The following FGD5 variants were observed in gnomAD, a reference collection of about 807,000 sequenced individuals.
FGD5 encodes the protein FYVE, RhoGEF and PH domain-containing protein 5.
In FGD5, 28 loss-of-function variants were observed where a neutral mutation model predicts 133.4. The ratio of observed to expected loss-of-function variants is 0.21; its 90% CI spans 0.16 to 0.29. The LOEUF (loss-of-function observed/expected upper bound fraction) is 0.29, where lower values mean the gene tolerates loss of function less well. Ranked by LOEUF, FGD5 falls within the 10% of genes least tolerant of loss-of-function variation. The probability of loss-of-function intolerance (pLI) is 1.00; values close to 1 mark genes in which losing one functional copy is unlikely to be tolerated. For synonymous variants in FGD5, 810 were observed against 776.5 expected (o/e 1.04, Z -0.72); for missense variants, 1,858 against 1,895.2 (o/e 0.98, Z 0.36).
intron 4 of FGD5, among the ~76,000 whole-genome samples, chr3:14,895,304 C>T (rs370112916): frequency 7.9e-5 from 12 of 152,282 alleles, no homozygotes; most frequent in African/African-American, 2.9e-4. Context: ...GGGTATTTCC[C>T]CAATGTTTTA....
At chr3:14,892,686 G>A (rs1364879202) in intron 4 of FGD5, among the ~76,000 whole-genome samples, 1 of 152,178 alleles carries the variant, frequency 6.6e-6, no homozygotes, top group Non-Finnish European at 1.5e-5. Context: ...AGGCGTGGCA[G>A]CAGGTGCCTG....
chr3:14,926,177 C>T lies in FGD5; in HGVS notation c.4176C>T (p.Leu1392=). 1.9e-6 allele frequency: 3 copies of T among 1,613,678 alleles called. No individual in the cohort carries two copies. Among genetic ancestry groups the T allele is most frequent in the Non-Finnish European group, 2.5e-6 (3 of 1,179,712 alleles). Residue 1392 remains leucine (L), a synonymous_variant, in exon 18 of 20, where the codon CTC becomes CTT. Transcript: ENST00000285046. The stretch of plus-strand genomic sequence containing the variant: ...GGTTTGTCATCAAAGGCAAAGTTCT[C>T]TACACCTACATGGCCAGTGAGGTAG... ...KLWFVIKGKV[L]YTYMASEDKV... is the part of the protein sequence containing the mutation.
In FGD5 at chr3:14,819,439, C is replaced by T. The variant is rs1465529979; in HGVS notation, c.368C>T (p.Pro123Leu). The T allele has an allele frequency of 1.4e-5, 22 of 1,550,176 alleles. No homozygotes were observed. The highest frequency in any genetic ancestry group is 2.4e-5 in the East Asian group (1 of 40,904). ...GTGAGEDSVA[P>L]AAPGAGALSR... ...GGAGCTGGTGAGGATTCAGTGGCCC[C>T]TGCTGCTCCGGGTGCAGGAGCGCTG... The change falls in exon 1 of 20, where the codon CCT becomes CTT. Residue 123 changes from proline to leucine, a missense_variant. Transcript: ENST00000285046. The surrounding 1 kb of genome is among the most constrained non-coding windows in gnomAD (Gnocchi z 4.1).
At chr3:14,878,200 C>G (rs377159491) in intron 2 of FGD5, among the ~76,000 whole-genome samples, 3 of 152,122 alleles carry the variant, frequency 2.0e-5, no homozygotes, top group African/African-American at 7.2e-5. Context: ...TGTGTGAGAC[C>G]GGGTTGGTTA....
intron 18 of FGD5, among the ~76,000 whole-genome samples, chr3:14,927,416 C>T (rs144121815): frequency 5.3e-4 from 81 of 152,028 alleles, no homozygotes; most frequent in African/African-American, 1.9e-3. Flanking sequence ...GCCAGGAGTT[C>T]GAGACCAGCC....
chr3:14,896,575 A>T (rs58804780), intron 4 of FGD5, among the ~76,000 whole-genome samples: 2,930 of 151,926 alleles, frequency 0.019, 92 homozygotes, highest in African/African-American at 0.066. Flanking sequence ...GGTTCAAGCG[A>T]TTCTCGTGCC....
intron 11 of FGD5, among the ~76,000 whole-genome samples, chr3:14,912,406 G>T (rs1237954284): frequency 6.6e-6 from 1 of 151,768 alleles, no homozygotes; most frequent in Non-Finnish European, 1.5e-5. Flanking sequence ...AGATTTAGCT[G>T]CAGGCAAGAG....
intron 4 of FGD5, among the ~76,000 whole-genome samples, chr3:14,895,095 T>C (rs192569760): frequency 1.3e-5 from 2 of 152,346 alleles, no homozygotes; most frequent in East Asian, 1.9e-4. Context: ...GCTCCTTATA[T>C]ATTTTGGTTG....
At chr3:14,839,282 C>T (rs1289147512) in intron 1 of FGD5, among the ~76,000 whole-genome samples, 3 of 152,204 alleles carry the variant, frequency 2.0e-5, no homozygotes, top group Admixed American at 1.3e-4. Flanking sequence ...TGCTGGGTGC[C>T]TCACAGAGCT....
At chr3:14,824,781 G>A (rs1195630886) in intron 1 of FGD5, among the ~76,000 whole-genome samples, 3 of 152,010 alleles carry the variant, frequency 2.0e-5, no homozygotes, top group Non-Finnish European at 4.4e-5. Flanking sequence ...CTCACTATTG[G>A]GAAATGGAAA....
intron 2 of FGD5, among the ~76,000 whole-genome samples, chr3:14,878,323 G>C (rs2037757965): frequency 6.6e-6 from 1 of 152,192 alleles, no homozygotes; most frequent in African/African-American, 2.4e-5. Flanking sequence ...ATTGATTCCA[G>C]AGTCCATTTG....
intron 19 of FGD5, among the ~76,000 whole-genome samples, 149 bp from the exon 20 acceptor site, chr3:14,932,978 TATAG>T (rs1031731003): frequency 1.3e-5 from 2 of 152,180 alleles, no homozygotes; most frequent in Admixed American, 1.3e-4. Flanking sequence ...TTTTGCTGAA[TATAG>T]AAAACATGTT....
At chr3:14,852,385 C>T (rs2037180598) in intron 1 of FGD5, among the ~76,000 whole-genome samples, 1 of 152,188 alleles carries the variant, frequency 6.6e-6, no homozygotes, top group Admixed American at 6.5e-5. Flanking sequence ...TCAGAATAGG[C>T]AAATCCGTAG....
At chr3:14,849,360 C>T (rs2037116749) in intron 1 of FGD5, among the ~76,000 whole-genome samples, 1 of 152,152 alleles carries the variant, frequency 6.6e-6, no homozygotes, top group Admixed American at 6.5e-5. Context: ...TGGTACTGCC[C>T]AGCACAGAGG....
chr3:14,879,568 C>T (rs1033951909), intron 2 of FGD5, among the ~76,000 whole-genome samples: 2 of 152,174 alleles, frequency 1.3e-5, no homozygotes, highest in Non-Finnish European at 2.9e-5. Context: ...AATGTGCGCT[C>T]GCTCACTCAC....
At chr3:14,829,085 C>T (rs909017523) in intron 1 of FGD5, among the ~76,000 whole-genome samples, 2 of 151,976 alleles carry the variant, frequency 1.3e-5, no homozygotes, top group Non-Finnish European at 2.9e-5. Flanking sequence ...TGAGCCACTG[C>T]GCCCGGCCAA....
At chr3:14,919,479 G>A (rs1023664188) in intron 13 of FGD5, among the ~76,000 whole-genome samples, 13 of 152,268 alleles carry the variant, frequency 8.5e-5, no homozygotes, top group East Asian at 7.7e-4. Flanking sequence ...TTAGCCGGGC[G>A]TGGTGGCAGG....
intron 4 of FGD5, among the ~76,000 whole-genome samples, chr3:14,893,489 G>A (rs79714660): frequency 0.03 from 4,617 of 152,170 alleles, 242 homozygotes; most frequent in East Asian, 0.22. Context: ...TGGAACCACA[G>A]TGATGCGCCA....
At position 14,921,831 on chromosome 3, in the gene FGD5, A is replaced by T. The variant is rs541120204; in HGVS notation, c.3570-87A>T. 294 of 1,277,978 alleles carry T rather than the reference A, an allele frequency of 2.3e-4. 4 individuals carry two copies. The South Asian group carries it at 3.5e-3, about 15-fold the overall frequency. 79.2% of individuals were successfully genotyped at this position (1,277,978 alleles called of 1,614,324 possible). On this transcript the variant is annotated intron_variant, in intron 13 of 19. Transcript: ENST00000285046. The stretch of plus-strand genomic sequence containing the variant: ...TGTGAGAGGTGCAGGCTCAAGGGGC[A>T]TCTGAGTGAGAACCTCATCCATGCC...
Sources: allele counts gnomAD v4.1 joint callset (sites outside exome capture counted in the v4.1 genomes callset), GRCh38; gene constraint gnomAD v4.1.1; non-coding constraint Gnocchi (gnomAD v3.1); transcripts MANE v1.5; gene names NCBI Gene and HGNC (gene_info 2026-07-23, HGNC 2026-07-21).